The following ZPBP variants were observed in gnomAD, a reference collection of about 807,000 sequenced individuals.
The protein encoded by ZPBP is zona pellucida-binding protein 1.
In ZPBP, 26 loss-of-function variants were observed where a neutral mutation model predicts 44.8. The observed-to-expected ratio is 0.58, with a 90% CI of 0.43 to 0.81. The LOEUF is 0.81. Ranked by LOEUF, ZPBP falls within the 30% of genes least tolerant of loss-of-function variation. The pLI is 0.00. For missense variants in ZPBP, 409 were observed against 434.0 expected, an observed-to-expected ratio of 0.94 and a Z score of 0.51; for synonymous variants, 174 against 153.2, an observed-to-expected ratio of 1.14 and a Z score of -1.00.
At chr7:50,041,458 AG>A (rs1292048312) in intron 4 of ZPBP, among the ~76,000 whole-genome samples, 3 of 152,208 alleles carry the variant, frequency 2.0e-5, no homozygotes, top group Non-Finnish European at 4.4e-5. Flanking sequence ...TTCCAGAGGA[AG>A]GAACAGGCAG....
chr7:49,996,784 C>T (rs1797868007), intron 6 of ZPBP, among the ~76,000 whole-genome samples: 1 of 152,204 alleles, frequency 6.6e-6, no homozygotes, highest in South Asian at 2.1e-4. Flanking sequence ...ATCTATTTCA[C>T]TTCTAGGAAC....
chr7:49,889,844 G>A (rs992797280), intron 2 of ZPBP, among the ~76,000 whole-genome samples: 6 of 152,098 alleles, frequency 3.9e-5, no homozygotes, highest in Non-Finnish European at 8.8e-5. Flanking sequence ...CCAGTATGCC[G>A]TCATTCACGC....
chr7:49,860,387 A>G (rs1790601130), intron 2 of ZPBP, among the ~76,000 whole-genome samples: 1 of 152,212 alleles, frequency 6.6e-6, no homozygotes, highest in African/African-American at 2.4e-5. Flanking sequence ...TTCACTTACC[A>G]TAATGTTTTC....
At chr7:49,863,781 C>T (rs1265468686) in intron 2 of ZPBP, among the ~76,000 whole-genome samples, 1 of 152,084 alleles carries the variant, frequency 6.6e-6, no homozygotes, top group Non-Finnish European at 1.5e-5. Context: ...GTATTATTTC[C>T]TTCCTCCTGC....
intron 3 of ZPBP, among the ~76,000 whole-genome samples, chr7:50,071,414 G>A (rs937624261): frequency 2.8e-4 from 42 of 152,176 alleles, no homozygotes; most frequent in African/African-American, 1.0e-3. Context: ...TACTCTCCAA[G>A]TAAACTTGAA....
chr7:49,851,078 G>C (rs1378294669), intron 2 of ZPBP, among the ~76,000 whole-genome samples: 4 of 152,170 alleles, frequency 2.6e-5, no homozygotes, highest in Admixed American at 1.3e-4. Flanking sequence ...TGGAGGTTCC[G>C]ACGGCTGCTC....
At chr7:49,878,514 A>G (rs1328596940) in intron 2 of ZPBP, among the ~76,000 whole-genome samples, 1 of 151,902 alleles carries the variant, frequency 6.6e-6, no homozygotes, top group East Asian at 1.9e-4. Flanking sequence ...TTCTTTCAAA[A>G]CTCTGAAGGT....
intron 1 of ZPBP, chr7:49,915,285 G>C (rs1388319967): frequency 1.3e-5 from 2 of 152,204 alleles, no homozygotes; most frequent in African/African-American, 4.8e-5. Context: ...AGTGCAGATG[G>C]AGAGGCACAG....
the ZPBP span, among the ~76,000 whole-genome samples, chr7:49,844,846 C>G: frequency 6.6e-6 from 1 of 152,120 alleles, no homozygotes; most frequent in African/African-American, 2.4e-5. Flanking sequence ...GTGCCCGCCA[C>G]TACGTCCAAC....
At chr7:49,997,022 G>A (rs1438046363) in intron 6 of ZPBP, among the ~76,000 whole-genome samples, 1 of 152,192 alleles carries the variant, frequency 6.6e-6, no homozygotes, top group Non-Finnish European at 1.5e-5. Flanking sequence ...GGCCTACAGA[G>A]AAGAGCAATT....
chr7:49,920,699 T>C (rs1793980115), intron 1 of ZPBP: 1 of 145,220 alleles, frequency 6.9e-6, no homozygotes, highest in Admixed American at 7.0e-5. Context: ...CATATGTATT[T>C]AATTGTGTTA....
intron 7 of ZPBP, among the ~76,000 whole-genome samples, chr7:49,962,887 A>G (rs1795912026): frequency 6.7e-6 from 1 of 148,204 alleles, no homozygotes; most frequent in South Asian, 2.2e-4. Flanking sequence ...GAACATTAAG[A>G]AAAAATTTGA....
chr7:49,858,429 A>G (rs532287545), intron 2 of ZPBP, among the ~76,000 whole-genome samples: 1 of 152,162 alleles, frequency 6.6e-6, no homozygotes, highest in African/African-American at 2.4e-5. Flanking sequence ...GCTGAAAACG[A>G]TCATTCTCAG....
intron 4 of ZPBP, among the ~76,000 whole-genome samples, chr7:50,057,313 A>G (rs999195738): frequency 1.3e-5 from 2 of 152,146 alleles, no homozygotes; most frequent in Admixed American, 6.5e-5. Flanking sequence ...ATGAGAACAG[A>G]CACACAACTC....
intron 1 of ZPBP, among the ~76,000 whole-genome samples, chr7:49,905,092 T>A (rs1401267361): frequency 3.3e-5 from 5 of 151,796 alleles, no homozygotes; most frequent in African/African-American, 1.2e-4. Context: ...AAAAATCACT[T>A]AAGATGAAGA....
chr7:50,061,083 C>A (rs1314224858), intron 3 of ZPBP, among the ~76,000 whole-genome samples: 1 of 152,116 alleles, frequency 6.6e-6, no homozygotes, highest in Non-Finnish European at 1.5e-5. Context: ...TCAACAGATG[C>A]AGAAAAGCCA....
chr7:50,019,539 A>G (rs1477361210), intron 5 of ZPBP, among the ~76,000 whole-genome samples: 1 of 152,138 alleles, frequency 6.6e-6, no homozygotes, highest in African/African-American at 2.4e-5. Context: ...CTCCTTTACC[A>G]ACATTTACCT....
chr7:49,867,442 G>A (rs977363171), intron 2 of ZPBP, among the ~76,000 whole-genome samples: 10 of 152,304 alleles, frequency 6.6e-5, no homozygotes, highest in South Asian at 2.1e-4. Context: ...ACTGAGAGGC[G>A]GAGGTGGGCC....
intron 4 of ZPBP, among the ~76,000 whole-genome samples, chr7:50,046,829 T>C (rs1800392362): frequency 6.6e-6 from 1 of 152,142 alleles, no homozygotes. Context: ...CATTCTACTA[T>C]AAAGACACAT....
Sources: allele counts gnomAD v4.1 joint callset (sites outside exome capture counted in the v4.1 genomes callset), GRCh38; gene constraint gnomAD v4.1.1; transcripts MANE v1.5; gene names NCBI Gene and HGNC (gene_info 2026-07-23, HGNC 2026-07-21).